Variants in MSRA observed in about 807,000 individuals in gnomAD.
MSRA encodes mitochondrial peptide methionine sulfoxide reductase.
MSRA carries 54 observed loss-of-function variants against 31.3 expected under a neutral mutation model. The ratio of observed to expected loss-of-function variants is 1.73; its 90% confidence interval spans 1.39 to 2.17. The LOEUF is 2.17. Ranked by LOEUF, MSRA falls within the 30% of genes most tolerant of loss-of-function variation. The pLI is 0.00. For synonymous variants in MSRA, 169 were observed against 116.5 expected (o/e 1.45, Z -2.90); for missense variants, 507 against 300.9 (o/e 1.69, Z -5.07).
intron 1 of MSRA, among the ~76,000 whole-genome samples, chr8:10,198,821 G>A (rs1808224489): frequency 6.6e-6 from 1 of 152,116 alleles, no homozygotes; most frequent in African/African-American, 2.4e-5. Flanking sequence ...AGCAATGGGA[G>A]TCTCGCTATG....
intron 1 of MSRA, among the ~76,000 whole-genome samples, chr8:10,200,807 G>C (rs796387020): frequency 3.3e-5 from 5 of 152,296 alleles, no homozygotes; most frequent in African/African-American, 1.2e-4. Flanking sequence ...GTGCCCCTGG[G>C]CATGTATGAC....
At chr8:10,221,090 A>G (rs79818804) in intron 2 of MSRA, among the ~76,000 whole-genome samples, 3,239 of 152,290 alleles carry the variant, frequency 0.021, 119 homozygotes, top group African/African-American at 0.073. Flanking sequence ...AAAGCCCAAT[A>G]GCATGGAGTC....
At chr8:10,056,744 A>G (rs1425517902) in intron 1 of MSRA, among the ~76,000 whole-genome samples, 1 of 152,138 alleles carries the variant, frequency 6.6e-6, no homozygotes, top group African/African-American at 2.4e-5. Context: ...CTTGAAACTT[A>G]AGGATTTAGT....
intron 1 of MSRA, among the ~76,000 whole-genome samples, chr8:10,172,601 C>G (rs1457230222): frequency 2.0e-5 from 3 of 152,124 alleles, no homozygotes; most frequent in Non-Finnish European, 4.4e-5. Context: ...AGACTTAGAA[C>G]TCAGTCTTAA....
chr8:10,089,766 CGAA>C (rs895116244), intron 1 of MSRA, among the ~76,000 whole-genome samples: 8 of 152,172 alleles, frequency 5.3e-5, no homozygotes, highest in Non-Finnish European at 1.2e-4. Context: ...CGAGCACCTG[CGAA>C]GAAGGACCAA....
chr8:10,277,513 C>A (rs916465527), intron 3 of MSRA, among the ~76,000 whole-genome samples: 1 of 152,178 alleles, frequency 6.6e-6, no homozygotes, highest in African/African-American at 2.4e-5. Context: ...TTTCCTACCC[C>A]CATTTACAAA....
At chr8:10,055,655 G>C (rs1802315794) in intron 1 of MSRA, among the ~76,000 whole-genome samples, 1 of 152,206 alleles carries the variant, frequency 6.6e-6, no homozygotes, top group Non-Finnish European at 1.5e-5. Context: ...GGAGGATTAA[G>C]TGATGTTTAA....
At chr8:10,344,691 T>C (rs1432182703) in intron 5 of MSRA, among the ~76,000 whole-genome samples, 3 of 151,890 alleles carry the variant, frequency 2.0e-5, no homozygotes, top group African/African-American at 7.3e-5. Flanking sequence ...CTACCATGAG[T>C]TTGAATGAAT....
intron 1 of MSRA, among the ~76,000 whole-genome samples, chr8:10,091,614 T>C (rs1467337760): frequency 6.6e-6 from 1 of 152,002 alleles, no homozygotes; most frequent in Non-Finnish European, 1.5e-5. Flanking sequence ...GTAGTTTTTT[T>C]TTTTTTTTTG....
At chr8:10,280,582 C>T (rs866229920) in intron 3 of MSRA, among the ~76,000 whole-genome samples, 4 of 152,246 alleles carry the variant, frequency 2.6e-5, no homozygotes, top group Non-Finnish European at 4.4e-5. Flanking sequence ...AAGGGAAAAT[C>T]GTGTAGTCAC....
intron 1 of MSRA, among the ~76,000 whole-genome samples, chr8:10,118,397 TA>T (rs1162685205): frequency 1.3e-5 from 2 of 152,104 alleles, no homozygotes; most frequent in African/African-American, 4.8e-5. Flanking sequence ...CCCCATGACA[TA>T]AATAAGCACA....
chr8:10,166,388 G>A (rs1464183400), intron 1 of MSRA, among the ~76,000 whole-genome samples: 1 of 150,944 alleles, frequency 6.6e-6, no homozygotes, highest in African/African-American at 2.5e-5. Flanking sequence ...TTGTATGATA[G>A]TGTGTGCTCA....
intron 3 of MSRA, among the ~76,000 whole-genome samples, chr8:10,277,779 A>G (rs1436923998): frequency 6.6e-6 from 1 of 152,156 alleles, no homozygotes; most frequent in Non-Finnish European, 1.5e-5. Flanking sequence ...TCTCTTTATA[A>G]TAAGTATGGG....
chr8:10,283,160 A>ACACTCTCTCTCTCT, intron 3 of MSRA, among the ~76,000 whole-genome samples: 2 of 140,238 alleles, frequency 1.4e-5, no homozygotes, highest in African/African-American at 5.4e-5. Flanking sequence ...ACACACACAC[A>ACACTCTCTCTCTCT]CTCTCACCCT....
intron 5 of MSRA, among the ~76,000 whole-genome samples, chr8:10,345,763 C>T (rs1444884818): frequency 2.0e-5 from 3 of 152,118 alleles, no homozygotes; most frequent in African/African-American, 4.8e-5. Context: ...CTAAAAAGGC[C>T]TGGCAAATCA....
At chr8:10,219,486 A>T (rs1336837811) in intron 2 of MSRA, among the ~76,000 whole-genome samples, 1 of 152,126 alleles carries the variant, frequency 6.6e-6, no homozygotes, top group Non-Finnish European at 1.5e-5. Context: ...TTGTGTATGA[A>T]TAAGGTAAAT....
intron 3 of MSRA, among the ~76,000 whole-genome samples, chr8:10,286,990 A>C (rs535804888): frequency 2.6e-5 from 4 of 152,348 alleles, no homozygotes; most frequent in African/African-American, 7.2e-5. Flanking sequence ...GATTCGTCCA[A>C]ATCAAATATT....
intron 1 of MSRA, among the ~76,000 whole-genome samples, chr8:10,096,858 G>C (rs1799187562): frequency 6.6e-6 from 1 of 152,144 alleles, no homozygotes; most frequent in Admixed American, 6.5e-5. Flanking sequence ...TGTTTTTAAA[G>C]ACAGTTTGAC....
At chr8:10,195,333 C>G (rs559784774) in intron 1 of MSRA, among the ~76,000 whole-genome samples, 1 of 152,176 alleles carries the variant, frequency 6.6e-6, no homozygotes, top group Non-Finnish European at 1.5e-5. Flanking sequence ...CTCTGCCTCC[C>G]GGGTTCAGAC....
Sources: allele counts gnomAD v4.1 joint callset (sites outside exome capture counted in the v4.1 genomes callset), GRCh38; gene constraint gnomAD v4.1.1; transcripts MANE v1.5; gene names NCBI Gene and HGNC (gene_info 2026-07-23, HGNC 2026-07-21).